The following STRIP1 variants were observed in gnomAD, a reference collection of about 807,000 sequenced individuals.
STRIP1 encodes striatin interacting protein 1.
STRIP1 carries 63 observed loss-of-function variants against 106.2 expected under a neutral mutation model. The ratio of observed to expected loss-of-function variants is 0.59; its 90% CI spans 0.48 to 0.73. STRIP1 has a LOEUF of 0.73. Ranked by LOEUF, STRIP1 falls within the 30% of genes least tolerant of loss-of-function variation. The pLI, the probability that STRIP1 is intolerant of heterozygous loss-of-function variation, is 0.00. For missense variants in STRIP1, 857 were observed against 1,074.8 expected, an observed-to-expected ratio of 0.80 and a Z score of 2.83; for synonymous variants, 390 against 413.0, an observed-to-expected ratio of 0.94 and a Z score of 0.67.
In STRIP1 at chr1:110,049,726, CT is replaced by C. The variant is rs1653203522; in HGVS notation, c.1889+167del. 3 of 593,050 alleles carry C rather than the reference CT, an allele frequency of 5.1e-6. No individual in the cohort carries two copies. In the Admixed American group the frequency reaches 9.4e-5, roughly 19 times the overall value. 36.7% of individuals were successfully genotyped at this position (593,050 alleles called of 1,614,324 possible). ...ATGGCCTCTGCCTGTGGAGAGCCCA[CT>C]GTGTCAAATCTGAGTCTAGCTAGTC... On this transcript the variant is annotated intron_variant, in intron 17 of 20. Coordinates refer to ENST00000369795, the MANE Select transcript of STRIP1 (RefSeq NM_033088.4).
At chr1:110,041,298 T>C in intron 6 of STRIP1, 1 of 396,258 alleles carries the variant, frequency 2.5e-6, no homozygotes, top group East Asian at 4.6e-5. Flanking sequence ...ACCCTGTTTT[T>C]GTTCTCACTG....
At chr1:110,034,621 G>T, upstream of STRIP1, 2 of 1,512,444 alleles carry the variant, frequency 1.3e-6, no homozygotes, top group Non-Finnish European at 1.8e-6. Flanking sequence ...TTAAGCTGGG[G>T]GTGTGGAGCA....
At chr1:110,041,344 C>T in intron 6 of STRIP1, 192 bp from the exon 7 acceptor site, 1 of 543,834 alleles carries the variant, frequency 1.8e-6, no homozygotes, top group Non-Finnish European at 3.3e-6. Flanking sequence ...AGCTCGCTAC[C>T]ACCTCTGTGG....
At chr1:110,040,763 G>T in intron 6 of STRIP1, 60 bp downstream of exon 6, 1 of 1,461,934 alleles carries the variant, frequency 6.8e-7, no homozygotes, top group Admixed American at 2.1e-5. Flanking sequence ...TCAGAGCAGG[G>T]TGTGGGAGGC....
At chr1:110,050,506 C>A (rs545042421) in intron 18 of STRIP1, 97 bp downstream of exon 18, 1 of 1,192,342 alleles carries the variant, frequency 8.4e-7, no homozygotes. Context: ...AGGTGTCTCC[C>A]GCAGGTGAAA....
In STRIP1 at chr1:110,054,254, C is replaced by T. The variant is rs1653436849; in HGVS notation, c.*342C>T. On this transcript the variant is annotated 3_prime_UTR_variant, in exon 21 of 21. Transcript: ENST00000369795. The stretch of plus-strand genomic sequence containing the variant: ...ACCCCTCCGCCGTGCATCTGAATTT[C>T]AGGGGTCATGCTGATGCCTCTCGAG... 3.7e-6 allele frequency: 1 copy of T among 272,440 alleles called. No individual in the cohort carries two copies. Among genetic ancestry groups the T allele is most frequent in the Admixed American group, 4.9e-5 (1 of 20,304 alleles). The allele number at this position is 272,440 out of a possible 1,614,324, so 16.9% of individuals were successfully genotyped here.
chr1:110,051,763 G>A lies in STRIP1; in HGVS notation c.2142G>A (p.Leu714=), dbSNP rs775729700. 5 of 1,613,936 alleles carry A rather than the reference G, an allele frequency of 3.1e-6. No homozygotes were observed. Among genetic ancestry groups the A allele is most frequent in the Non-Finnish European group, 4.2e-6 (5 of 1,180,028 alleles). The change falls in exon 20 of 21, where the codon CTG becomes CTA. Residue 714 remains leucine (L), a synonymous_variant. Transcript: ENST00000369795. ...AAGCCATGATGCAGCTCTATGTGCT[G>A]AAGCTGCTCAAGGTACAGACCAAAT... ...VKQAMMQLYV[L]KLLKVQTKYL... is the part of the protein sequence containing the mutation.
Position 110,053,674 on chromosome 1 carries a change from C to T in STRIP1, c.2276C>T (p.Ala759Val). ...DDWAYGNDLD[A>V]RPWDFQAEEC... ...TCCTGCTTTGTCTCAGATCTTGATG[C>T]CCGGCCTTGGGACTTCCAGGCAGAG... Residue 759 changes from alanine (A) to valine (V), a missense_variant, in exon 21 of 21, where the codon GCC becomes GTC. Ala to Val is a moderately conservative substitution (Grantham distance 64). Around this residue, in one of 2 missense-constraint regions of STRIP1, gnomAD observed 750 missense variants for 989.8 expected, o/e 0.76. Transcript: ENST00000369795. 6.2e-7 allele frequency: 1 copy of T among 1,614,020 alleles called. No homozygotes were observed. Among genetic ancestry groups the T allele is most frequent in the Non-Finnish European group, 8.5e-7 (1 of 1,179,926 alleles).
chr1:110,040,521 G>C (rs1367563469), intron 5 of STRIP1, 114 bp from the exon 6 acceptor site: 3 of 978,156 alleles, frequency 3.1e-6, no homozygotes, highest in Non-Finnish European at 4.5e-6. Flanking sequence ...GTGGCCTCTT[G>C]TGCAGTCCAA....
chr1:110,033,011 C>T (rs866359198), upstream of STRIP1, among the ~76,000 whole-genome samples: 1 of 152,194 alleles, frequency 6.6e-6, no homozygotes, highest in African/African-American at 2.4e-5. Flanking sequence ...CATTATATGG[C>T]TCTATCAATT....
intron 20 of STRIP1, 93 bp from the exon 21 acceptor site, chr1:110,053,572 C>T (rs1333052538): frequency 1.3e-6 from 2 of 1,532,142 alleles, no homozygotes; most frequent in African/African-American, 1.4e-5. Flanking sequence ...GTATCCTGCT[C>T]TTAGTTGACA....
intron 6 of STRIP1, 95 bp downstream of exon 6, chr1:110,040,798 G>T: frequency 9.4e-7 from 1 of 1,061,638 alleles, no homozygotes; most frequent in Non-Finnish European, 1.4e-6. Context: ...ATTGCTGTGT[G>T]TGCTTCTGTA....
chr1:110,050,452 G>T, intron 18 of STRIP1, 43 bp downstream of exon 18: 1 of 1,584,468 alleles, frequency 6.3e-7, no homozygotes, highest in Middle Eastern at 1.7e-4. Context: ...TGGCACCAGG[G>T]TCAGTGGGTA....
chr1:110,049,891 G>A (rs1217834571), intron 17 of STRIP1: 13 of 304,746 alleles, frequency 4.3e-5, no homozygotes, highest in East Asian at 3.5e-4. Context: ...TAAGGGGCTC[G>A]GCCATGTGCC....
At chr1:110,032,680 G>A (rs186074873), upstream of STRIP1, among the ~76,000 whole-genome samples, 14 of 152,208 alleles carry the variant, frequency 9.2e-5, no homozygotes, top group East Asian at 7.7e-4. Context: ...GGGGGTCATT[G>A]TTTATTTCCC....
At chr1:110,040,556 C>T in intron 5 of STRIP1, 79 bp from the exon 6 acceptor site, 1 of 1,367,850 alleles carries the variant, frequency 7.3e-7, no homozygotes, top group Middle Eastern at 1.8e-4. Flanking sequence ...ATTTTGTTTC[C>T]CCATTGGTCA....
At chr1:110,047,976 A>G in intron 15 of STRIP1, 107 bp downstream of exon 15, 1 of 906,462 alleles carries the variant, frequency 1.1e-6, no homozygotes, top group East Asian at 2.7e-5. Flanking sequence ...TCTACAGGTT[A>G]AATGTAGGTA....
intron 17 of STRIP1, 26 bp from the exon 18 acceptor site, chr1:110,050,317 G>A: frequency 6.2e-7 from 1 of 1,613,170 alleles, no homozygotes. Context: ...CTCATGGTGG[G>A]CATCTGGTTC....
chr1:110,040,157 T>C (rs551468670), intron 5 of STRIP1, among the ~76,000 whole-genome samples: 1 of 152,202 alleles, frequency 6.6e-6, no homozygotes, highest in African/African-American at 2.4e-5. Context: ...GCTGGGTTTT[T>C]TGTTTTTGTT....
Sources: allele counts gnomAD v4.1 joint callset (sites outside exome capture counted in the v4.1 genomes callset), GRCh38; gene constraint gnomAD v4.1.1; regional missense constraint gnomAD v4.1.1; transcripts MANE v1.5; gene names NCBI Gene and HGNC (gene_info 2026-07-23, HGNC 2026-07-21).